Variants in CTNNBL1 observed in about 807,000 individuals in gnomAD.
CTNNBL1 encodes the protein catenin beta like 1, also known as beta-catenin-like protein 1.
In CTNNBL1, 31 loss-of-function variants were observed where a neutral mutation model predicts 72.7. The ratio of observed to expected loss-of-function variants is 0.43; its 90% CI spans 0.32 to 0.58. CTNNBL1 has a LOEUF of 0.58. Among genes scored for constraint, CTNNBL1 ranks in the 20% least tolerant of loss-of-function variants. The pLI, the probability that CTNNBL1 is intolerant of heterozygous loss-of-function variation, is 0.08. For missense variants in CTNNBL1, 534 were observed against 725.1 expected (o/e 0.74, Z 3.03); for synonymous variants, 240 against 267.3 (o/e 0.90, Z 1.00).
In CTNNBL1 at chr20:37,847,654, A is replaced by C. The variant is rs148760190; in HGVS notation, c.1392+5235A>C. The stretch of plus-strand genomic sequence containing the variant: ...GCCTGGCTTTTGACTGTCAGAAAGA[A>C]GACATGATTATATAGGTACTAGCAG... On this transcript the variant is annotated intron_variant, in intron 13 of 15. Transcript: ENST00000361383. Among the ~76,000 whole-genome samples the C allele has an allele frequency of 2.6e-5, 4 of 152,300 alleles. No homozygotes were observed. The East Asian group carries it at 7.7e-4, about 29-fold the overall frequency.
At chr20:37,842,308 CT>C in intron 12 of CTNNBL1, 30 bp from the exon 13 acceptor site, 1 of 1,496,416 alleles carries the variant, frequency 6.7e-7, no homozygotes, top group Non-Finnish European at 9.3e-7. Context: ...GTCTTTCCTT[CT>C]CACTCAAGCC....
intron 3 of CTNNBL1, among the ~76,000 whole-genome samples, chr20:37,738,617 C>G (rs6020584): frequency 0.33 from 49,756 of 152,090 alleles, 8,262 homozygotes; most frequent in African/African-American, 0.35. Context: ...ACAGGCTTTG[C>G]ACTCAAGTTT....
At chr20:37,802,702 T>C (rs111302512) in intron 10 of CTNNBL1, among the ~76,000 whole-genome samples, 165 bp from the exon 11 acceptor site, 23 of 152,352 alleles carry the variant, frequency 1.5e-4, no homozygotes, top group African/African-American at 5.3e-4. Flanking sequence ...ATTCTGACTG[T>C]AAGAATTTGT....
chr20:37,845,321 A>G (rs995941277), intron 13 of CTNNBL1, among the ~76,000 whole-genome samples: 2 of 152,190 alleles, frequency 1.3e-5, no homozygotes, highest in Non-Finnish European at 2.9e-5. Context: ...AAGATTATCT[A>G]TTATCAGCAT....
At chr20:37,717,438 G>A (rs1439154876) in intron 1 of CTNNBL1, among the ~76,000 whole-genome samples, 1 of 151,982 alleles carries the variant, frequency 6.6e-6, no homozygotes, top group East Asian at 1.9e-4. Flanking sequence ...ATCCTAAATA[G>A]CAAAGTAAAT....
intron 10 of CTNNBL1, among the ~76,000 whole-genome samples, 165 bp downstream of exon 10, chr20:37,779,500 G>A (rs1437544962): frequency 6.6e-6 from 1 of 152,068 alleles, no homozygotes; most frequent in Non-Finnish European, 1.5e-5. Context: ...GTATAGGTAT[G>A]TGGTCTTTCC....
Position 37,872,013 on chromosome 20 carries a change from G to A in CTNNBL1, c.1692G>A (p.Ter564=), listed in dbSNP as rs3199864. 1 of 1,613,700 alleles carries A rather than the reference G, an allele frequency of 6.2e-7. No homozygotes were observed. Among genetic ancestry groups the A allele is most frequent in the Non-Finnish European group, 8.5e-7 (1 of 1,179,622 alleles). Residue 564 remains the stop codon, a stop_retained_variant, in exon 16 of 16, where the codon TAG becomes TAA. Transcript: ENST00000361383. ...TCCTGGGCTTGCTGGAGAACTTCTA[G>A]AGGCACCTTGGCCCTGCGCATCATG... ...KRILGLLENF[*] is the part of the protein sequence containing the mutation.
intron 15 of CTNNBL1, among the ~76,000 whole-genome samples, chr20:37,871,214 G>GTGCTGCTGC (rs536109643): frequency 2.0e-5 from 3 of 152,238 alleles, no homozygotes; most frequent in East Asian, 3.9e-4. Flanking sequence ...TTTCCATGCA[G>GTGCTGCTGC]TGCTGCTGCT....
At chr20:37,841,010 T>G (rs550884464) in intron 12 of CTNNBL1, among the ~76,000 whole-genome samples, 1 of 152,378 alleles carries the variant, frequency 6.6e-6, no homozygotes, top group African/African-American at 2.4e-5. Context: ...ATCTTTAGTA[T>G]GCCAGACGAT....
At chr20:37,860,556 A>G (rs1249022007) in intron 15 of CTNNBL1, among the ~76,000 whole-genome samples, 1 of 152,232 alleles carries the variant, frequency 6.6e-6, no homozygotes, top group Non-Finnish European at 1.5e-5. Flanking sequence ...CAGTTCCAGA[A>G]CTTACACCCA....
At chr20:37,741,512 C>A (rs190793410) in intron 3 of CTNNBL1, among the ~76,000 whole-genome samples, 1 of 152,330 alleles carries the variant, frequency 6.6e-6, no homozygotes, top group East Asian at 1.9e-4. Context: ...TGGGACACCA[C>A]GCTCTGTGTT....
chr20:37,812,583 C>G (rs550615455), intron 11 of CTNNBL1, among the ~76,000 whole-genome samples: 2 of 152,328 alleles, frequency 1.3e-5, no homozygotes, highest in Non-Finnish European at 1.5e-5. Context: ...ACTGCCCTTG[C>G]AGAGGGTCTA....
rs554336045 is a variant in CTNNBL1 at position 37,765,393 on chromosome 20, G to A, written c.658+103G>A. On this transcript the variant is annotated intron_variant, in intron 6 of 15. Transcript: ENST00000361383. ...TTCATAATAGAGTCAATAGCAGGCTGTTTTCCTTCCTTCTGCTCCCAAACT... is the reference window on the plus strand; with the variant it reads ...TTCATAATAGAGTCAATAGCAGGCTATTTTCCTTCCTTCTGCTCCCAAACT... 6.8e-6 allele frequency: 5 copies of A among 740,084 alleles called. No homozygotes were observed. In the African/African-American group the frequency reaches 7.0e-5, roughly 10 times the overall value. The allele number at this position is 740,084 out of a possible 1,614,324, so 45.8% of individuals were successfully genotyped here.
chr20:37,784,508 G>A (rs2122701935), intron 10 of CTNNBL1, among the ~76,000 whole-genome samples: 1 of 152,212 alleles, frequency 6.6e-6, no homozygotes. Flanking sequence ...CATGTCTCTT[G>A]ACATTACCAT....
At chr20:37,840,316 A>C (rs1339940635) in intron 12 of CTNNBL1, 117 bp downstream of exon 12, 1 of 719,914 alleles carries the variant, frequency 1.4e-6, no homozygotes, top group African/African-American at 1.8e-5. Flanking sequence ...CTTTTCTGGC[A>C]CCTGGGCCCT....
chr20:37,781,803 A>G (rs1169075330), intron 10 of CTNNBL1, among the ~76,000 whole-genome samples: 1 of 152,178 alleles, frequency 6.6e-6, no homozygotes, highest in Non-Finnish European at 1.5e-5. Flanking sequence ...CTGTGGTTCC[A>G]TTGCCCCTAA....
At chr20:37,756,322 G>A (rs2073362825) in intron 4 of CTNNBL1, 1 of 152,138 alleles carries the variant, frequency 6.6e-6, no homozygotes, top group Non-Finnish European at 1.5e-5. Flanking sequence ...ATGAAGAATG[G>A]ATTGGCCTTT....
intron 1 of CTNNBL1, among the ~76,000 whole-genome samples, chr20:37,725,547 GCCTT>G (rs11469797): frequency 1 from 150,792 of 150,798 alleles, 75,393 homozygotes; most frequent in Middle Eastern, 1. Flanking sequence ...CTGCCTGCCT[GCCTT>G]GCCTCCCAAA....
intron 10 of CTNNBL1, among the ~76,000 whole-genome samples, chr20:37,782,831 CAT>C (rs1364093058): frequency 6.6e-6 from 1 of 152,110 alleles, no homozygotes; most frequent in East Asian, 1.9e-4. Context: ...GAGTTGAAAA[CAT>C]AGATTCTCAT....
Sources: gnomAD v4.1 joint callset for allele counts (sites outside exome capture counted in the v4.1 genomes callset) on GRCh38, gnomAD v4.1.1 for gene constraint, MANE v1.5 for transcripts, NCBI Gene and HGNC (gene_info 2026-07-23, HGNC 2026-07-21) for gene names.